Variants in PSAP observed in about 807,000 individuals in gnomAD.
The protein encoded by PSAP is precursor of saposins.
In PSAP, 25 loss-of-function variants were observed where a neutral mutation model predicts 66.0. That is an observed-to-expected ratio of 0.38 (90% CI 0.28 to 0.53). PSAP has a LOEUF of 0.53. Among genes scored for constraint, PSAP ranks in the 20% least tolerant of loss-of-function variants. PSAP has a pLI of 0.83. For synonymous variants in PSAP, 273 were observed against 258.9 expected, an observed-to-expected ratio of 1.05 and a Z score of -0.52; for missense variants, 649 against 668.8, an observed-to-expected ratio of 0.97 and a Z score of 0.33.
At position 71,820,341 on chromosome 10, in the gene PSAP, G is replaced by C. The variant is rs746262168; in HGVS notation, c.910-6C>G. 3.7e-6 allele frequency: 6 copies of C among 1,609,952 alleles called. No individual in the cohort carries two copies. The Admixed American group carries it at 1.0e-4, about 27-fold the overall frequency. On this transcript the variant is annotated splice_polypyrimidine_tract_variant and splice_region_variant and intron_variant, in intron 8 of 13. Transcript: ENST00000394936. ...TTTGCTGGGACCTCGTGCTTCTGTG[G>C]AAAGAGTAGAAGGAGAGTACTTTCA... is the stretch of plus-strand genomic sequence containing the variant.
intron 1 of PSAP, among the ~76,000 whole-genome samples, chr10:71,835,311 G>C (rs539846934): frequency 6.6e-6 from 1 of 151,918 alleles, no homozygotes; most frequent in Non-Finnish European, 1.5e-5. Context: ...GCCAGCTGCC[G>C]GTGGCTCATG....
intron 1 of PSAP, among the ~76,000 whole-genome samples, chr10:71,838,258 G>A (rs1323802651): frequency 1.3e-5 from 2 of 152,254 alleles, no homozygotes; most frequent in Admixed American, 1.3e-4. Context: ...ATGAGAAGTT[G>A]TGCAGACTCA....
intron 2 of PSAP, among the ~76,000 whole-genome samples, chr10:71,833,612 A>ACACAGCCCGTACCACATGATGGCCGG (rs1402595378): frequency 4.6e-5 from 7 of 152,198 alleles, no homozygotes; most frequent in Non-Finnish European, 7.3e-5. Context: ...ACTCAGTCAA[A>ACACAGCCCGTACCACATGATGGCCGG]CACAGCCCGT....
chr10:71,830,107 A>G (rs1842482833), intron 4 of PSAP, among the ~76,000 whole-genome samples: 1 of 152,196 alleles, frequency 6.6e-6, no homozygotes, highest in African/African-American at 2.4e-5. Context: ...ATGGCTTTCA[A>G]CACCTTCCAT....
chr10:71,818,190 G>A (rs1842213726), intron 13 of PSAP, among the ~76,000 whole-genome samples: 1 of 152,230 alleles, frequency 6.6e-6, no homozygotes, highest in Admixed American at 6.5e-5. Flanking sequence ...GCAGGGGCCA[G>A]TTCTCAGGGC....
rs930948459 is a variant in PSAP, at chr10:71,835,287, A to T, written c.41-782T>A. Among the ~76,000 whole-genome samples the T allele has an allele frequency of 2.0e-5, 3 of 152,014 alleles. No individual in the cohort carries two copies. The East Asian group carries it at 5.8e-4, about 29-fold the overall frequency. ...AATTAAAAAAAATTCATACCCTTATAACATAAAACAATGGCCAGCTGCCGG... is the reference window on the plus strand; with the variant it reads ...AATTAAAAAAAATTCATACCCTTATTACATAAAACAATGGCCAGCTGCCGG... On this transcript the variant is annotated intron_variant, in intron 1 of 13. Transcript: ENST00000394936.
intron 6 of PSAP, among the ~76,000 whole-genome samples, chr10:71,827,588 G>A (rs1842421174): frequency 6.6e-6 from 1 of 150,966 alleles, no homozygotes; most frequent in African/African-American, 2.4e-5. Context: ...TTAGCTGGGC[G>A]TGATTGCACA....
Position 71,817,328 on chromosome 10 carries a change from G to A in PSAP, c.*113C>T, listed in dbSNP as rs544214520. ...AAGGACACAGAAATGGGGGAGGTGG[G>A]GGAGCCCTATTTTTATAACAAAGTC... On this transcript the variant is annotated 3_prime_UTR_variant, in exon 14 of 14. Coordinates refer to ENST00000394936, the MANE Select transcript of PSAP (RefSeq NM_002778.4). The A allele has an allele frequency of 8.5e-6, 10 of 1,169,684 alleles. No individual in the cohort carries two copies. The highest frequency in any genetic ancestry group is 7.3e-5 in the South Asian group (6 of 82,172). The allele number at this position is 1,169,684 out of a possible 1,614,324, so 72.5% of individuals were successfully genotyped here.
chr10:71,828,534 A>G (rs1363406584), intron 5 of PSAP, among the ~76,000 whole-genome samples: 2 of 152,264 alleles, frequency 1.3e-5, no homozygotes, highest in East Asian at 1.9e-4. Flanking sequence ...ACTCCCAGCT[A>G]CTTAGGAGGC....
At chr10:71,825,780 A>G in intron 7 of PSAP, 57 bp downstream of exon 7, 1 of 1,517,584 alleles carries the variant, frequency 6.6e-7, no homozygotes, top group Non-Finnish European at 9.2e-7. Context: ...ATTCCTAGAA[A>G]TGACGAAACC....
intron 1 of PSAP, among the ~76,000 whole-genome samples, chr10:71,840,821 T>G (rs534184884): frequency 2.0e-5 from 3 of 152,340 alleles, no homozygotes; most frequent in African/African-American, 7.2e-5. Context: ...AACAGAGTCC[T>G]CAGGGAAATT....
At chr10:71,822,515 C>G in intron 7 of PSAP, 4 of 456,526 alleles carry the variant, frequency 8.8e-6, no homozygotes, top group South Asian at 6.4e-5. Flanking sequence ...TAAAAAACCA[C>G]ATTCTATGTT....
intron 1 of PSAP, among the ~76,000 whole-genome samples, chr10:71,835,310 C>T (rs1245274198): frequency 1.3e-5 from 2 of 151,950 alleles, no homozygotes; most frequent in Non-Finnish European, 2.9e-5. Context: ...GGCCAGCTGC[C>T]GGTGGCTCAT....
In PSAP at chr10:71,819,560, A is replaced by C. The variant is rs2133030903; in HGVS notation, c.1255T>G (p.Leu419Val). The change falls in exon 11 of 14, where the codon TTG (leucine) becomes GTG (valine). Residue 419 changes from leucine to valine, a missense_variant. Coordinates refer to ENST00000394936, the MANE Select transcript of PSAP (RefSeq NM_002778.4). ...CEVCKKLVGY[L>V]DRNLEKNSTK... Reference sequence around the variant, plus strand: ...CTGTTTTTCTCCAGGTTGCGATCCAAATAACCCACCAGCTTCTTGCACACT... The same window carrying C: ...CTGTTTTTCTCCAGGTTGCGATCCACATAACCCACCAGCTTCTTGCACACT... 1 of 1,614,192 alleles carries C rather than the reference A, an allele frequency of 6.2e-7. No individual in the cohort carries two copies. The highest frequency in any genetic ancestry group is 1.6e-4 in the Middle Eastern group (1 of 6,062).
At chr10:71,824,141 T>C (rs1180852247) in intron 7 of PSAP, among the ~76,000 whole-genome samples, 1 of 152,182 alleles carries the variant, frequency 6.6e-6, no homozygotes, top group East Asian at 1.9e-4. Flanking sequence ...GCTGTCCTGC[T>C]CTGTGTGCAC....
chr10:71,847,439 TCGGG>T (rs1304181228), intron 1 of PSAP, among the ~76,000 whole-genome samples: 1 of 152,038 alleles, frequency 6.6e-6, no homozygotes, highest in East Asian at 1.9e-4. Flanking sequence ...TCCTAGCTAC[TCGGG>T]AGGCAGAGGT....
At chr10:71,834,557 C>G (rs745408565) in intron 1 of PSAP, 52 bp from the exon 2 acceptor site, 10 of 1,603,284 alleles carry the variant, frequency 6.2e-6, no homozygotes, top group South Asian at 3.4e-5. Context: ...CAAACCAGGT[C>G]GACCTGACTT....
At chr10:71,837,312 G>A (rs758603918) in intron 1 of PSAP, among the ~76,000 whole-genome samples, 2 of 152,222 alleles carry the variant, frequency 1.3e-5, no homozygotes, top group African/African-American at 4.8e-5. Flanking sequence ...CTCAGGGCAG[G>A]CACCACTGGG....
chr10:71,829,727 A>C (rs1182721525), intron 4 of PSAP, among the ~76,000 whole-genome samples: 1 of 152,160 alleles, frequency 6.6e-6, no homozygotes, highest in Non-Finnish European at 1.5e-5. Context: ...GGCCAGGCGC[A>C]GTGGCTCACA....
Sources: allele counts gnomAD v4.1 joint callset (sites outside exome capture counted in the v4.1 genomes callset), GRCh38; gene constraint gnomAD v4.1.1; transcripts MANE v1.5; gene names NCBI Gene and HGNC (gene_info 2026-07-23, HGNC 2026-07-21).